Variants in SAMD5 observed in about 807,000 individuals in gnomAD.
The protein encoded by SAMD5 is sterile alpha motif domain-containing protein 5.
Under a neutral mutation model 11.3 loss-of-function variants are expected in SAMD5, and 13 were observed. The ratio of observed to expected loss-of-function variants is 1.15; its 90% confidence interval spans 0.75 to 1.83. The LOEUF (loss-of-function observed/expected upper bound fraction) is 1.83, where lower values mean the gene tolerates loss of function less well. SAMD5 is among the 40% of genes most tolerant of loss of function. The probability of loss-of-function intolerance (pLI) is 0.00; values close to 1 mark genes in which losing one functional copy is unlikely to be tolerated. For missense variants in SAMD5, 255 were observed against 239.1 expected (o/e 1.07, Z -0.44); for synonymous variants, 129 against 111.3 (o/e 1.16, Z -1.00).
At chr6:147,613,883 C>A (rs1789825955) in intron 1 of SAMD5, among the ~76,000 whole-genome samples, 2 of 151,966 alleles carry the variant, frequency 1.3e-5, no homozygotes, top group Admixed American at 1.3e-4. Flanking sequence ...CAGCTGCATT[C>A]ATCCACCAAG....
At chr6:147,572,616 G>A (rs1668218282), downstream of SAMD5, among the ~76,000 whole-genome samples, 1 of 151,976 alleles carries the variant, frequency 6.6e-6, no homozygotes, top group Admixed American at 6.5e-5. Context: ...TGCACTATTT[G>A]AATTAAGATT....
chr6:147,894,366 C>A, the SAMD5 span, among the ~76,000 whole-genome samples: 1 of 152,254 alleles, frequency 6.6e-6, no homozygotes, highest in South Asian at 2.1e-4. Context: ...TTGTGATCCG[C>A]CTGCATCGGC....
At chr6:147,813,874 G>A in the SAMD5 span, among the ~76,000 whole-genome samples, 7 of 152,290 alleles carry the variant, frequency 4.6e-5, no homozygotes, top group East Asian at 1.2e-3. Flanking sequence ...AAGGCTATGG[G>A]ACTTTAAATT....
rs576351629 is a variant in SAMD5, at chr6:147,672,447, A to G, written c.163-64870A>G. Among the ~76,000 whole-genome samples the G allele has an allele frequency of 3.3e-5, 5 of 152,298 alleles. No homozygotes were observed. In the East Asian group the frequency reaches 9.6e-4, roughly 29 times the overall value. ...TCACTTTGAACAGTTCTGCAACATG[A>G]ATATTTTTTCACTTACAATGTGTTA... On this transcript the variant is annotated intron_variant, in intron 1 of 1. Coordinates refer to the SAMD5 transcript ENST00000566741.
chr6:147,796,795 T>A, the SAMD5 span, among the ~76,000 whole-genome samples: 1 of 151,528 alleles, frequency 6.6e-6, no homozygotes, highest in Non-Finnish European at 1.5e-5. Flanking sequence ...CCCTTGTAAG[T>A]TGGATTCCTA....
At chr6:147,776,614 A>G in the SAMD5 span, among the ~76,000 whole-genome samples, 1 of 152,226 alleles carries the variant, frequency 6.6e-6, no homozygotes, top group East Asian at 1.9e-4. Flanking sequence ...AAGGCCATCA[A>G]GAGGTGGTCT....
chr6:147,834,837 A>T, the SAMD5 span, among the ~76,000 whole-genome samples: 1 of 152,324 alleles, frequency 6.6e-6, no homozygotes, highest in South Asian at 2.1e-4. Context: ...GGCTTGATTC[A>T]ATGGGAAACT....
chr6:147,659,260 TA>T (rs5880726), intron 1 of SAMD5, among the ~76,000 whole-genome samples: 286 of 151,310 alleles, frequency 1.9e-3, no homozygotes, highest in African/African-American at 3.5e-3. Context: ...TCAGTACATT[TA>T]AAAAAAAATA....
the SAMD5 span, among the ~76,000 whole-genome samples, chr6:147,822,202 G>A: frequency 1.3e-5 from 2 of 152,042 alleles, no homozygotes; most frequent in African/African-American, 4.8e-5. Flanking sequence ...GTGATGTTTT[G>A]TCCAAACTGG....
chr6:147,905,103 G>C, the SAMD5 span, among the ~76,000 whole-genome samples: 1 of 152,128 alleles, frequency 6.6e-6, no homozygotes, highest in South Asian at 2.1e-4. Flanking sequence ...GGTCAGGCTG[G>C]TCTCGAACTC....
the SAMD5 span, among the ~76,000 whole-genome samples, chr6:147,791,907 T>C: frequency 7.0e-4 from 106 of 151,920 alleles, no homozygotes; most frequent in East Asian, 0.02. Flanking sequence ...GTAAACAGAG[T>C]GGTGGTTATC....
At chr6:147,870,431 GGTGTGTGTGTGTGTGTGAGTGTGTGTGT>G in the SAMD5 span, among the ~76,000 whole-genome samples, 2 of 138,388 alleles carry the variant, frequency 1.4e-5, no homozygotes, top group Non-Finnish European at 1.6e-5. Context: ...CATCCCCTTT[GGTGTGTGTGTGTGTGTGAGTGTGTGTGT>G]GTGTGTGTGT....
the SAMD5 span, among the ~76,000 whole-genome samples, chr6:147,865,711 G>T: frequency 6.6e-6 from 1 of 152,100 alleles, no homozygotes; most frequent in South Asian, 2.1e-4. Flanking sequence ...ATGAATATTT[G>T]CAAAGCTGAG....
At chr6:147,809,577 G>A in the SAMD5 span, among the ~76,000 whole-genome samples, 1 of 152,226 alleles carries the variant, frequency 6.6e-6, no homozygotes, top group Non-Finnish European at 1.5e-5. Context: ...TTCAGAGAAT[G>A]TATCAACGAT....
rs1791371753 is a variant in SAMD5 at position 147,709,805 on chromosome 6, C to T, written c.163-27512C>T. ...GATAATAAAAATTCTAACTACTCCC[C>T]TTCTGGTACCCATCATCTTTTCTCT... On this transcript the variant is annotated intron_variant, in intron 1 of 1. Coordinates refer to the SAMD5 transcript ENST00000566741. 2.6e-5 allele frequency among the ~76,000 whole-genome samples: 4 copies of T among 152,190 alleles called. No homozygotes were observed. The South Asian group carries it at 8.3e-4, about 32-fold the overall frequency.
At chr6:147,814,030 G>A in the SAMD5 span, among the ~76,000 whole-genome samples, 38,402 of 152,056 alleles carry the variant, frequency 0.25, 6,218 homozygotes, top group African/African-American at 0.46. Flanking sequence ...AAGCTGTCAC[G>A]TGGCTCATAT....
At chr6:147,785,672 T>A in the SAMD5 span, among the ~76,000 whole-genome samples, 4 of 152,154 alleles carry the variant, frequency 2.6e-5, no homozygotes, top group Admixed American at 6.6e-5. Flanking sequence ...ATTAAATATA[T>A]AAATAGTGTG....
In SAMD5 at chr6:147,700,279, C is replaced by T. The variant is rs373819658; in HGVS notation, c.163-37038C>T. 7.2e-5 allele frequency among the ~76,000 whole-genome samples: 11 copies of T among 152,304 alleles called. No individual in the cohort carries two copies. The East Asian group carries it at 1.7e-3, about 24-fold the overall frequency. ...GCCTTGCGTGATCCTAATTGGGAATCACTGGTCTAGACTAATCTGCCTCTT... is the reference window on the plus strand; with the variant it reads ...GCCTTGCGTGATCCTAATTGGGAATTACTGGTCTAGACTAATCTGCCTCTT... On this transcript the variant is annotated intron_variant, in intron 1 of 1. Coordinates refer to the SAMD5 transcript ENST00000566741.
the SAMD5 span, among the ~76,000 whole-genome samples, chr6:147,909,629 TTTCTC>T: frequency 0.054 from 3,921 of 73,130 alleles, 316 homozygotes; most frequent in South Asian, 0.075. Context: ...TCTTTCTTTC[TTTCTC>T]TTTCTTGTCT....
Sources: allele counts gnomAD v4.1 joint callset (sites outside exome capture counted in the v4.1 genomes callset), GRCh38; gene constraint gnomAD v4.1.1; transcripts MANE v1.5; gene names NCBI Gene and HGNC (gene_info 2026-07-23, HGNC 2026-07-21).